PDE6H: variants seen among roughly 807,000 people sequenced by gnomAD.
PDE6H encodes phosphodiesterase 6H.
In PDE6H, 11 loss-of-function variants were observed where a neutral mutation model predicts 9.2. The ratio of observed to expected loss-of-function variants is 1.19; its 90% CI spans 0.75 to 1.97. The LOEUF is 1.97. Ranked by LOEUF, PDE6H falls within the 30% of genes most tolerant of loss-of-function variation. The pLI is 0.00. For synonymous variants in PDE6H, 36 were observed against 33.6 expected, an observed-to-expected ratio of 1.07 and a Z score of -0.25; for missense variants, 98 against 101.5, an observed-to-expected ratio of 0.97 and a Z score of 0.15.
intron 1 of PDE6H, among the ~76,000 whole-genome samples, chr12:14,975,079 T>C (rs1209237656): frequency 6.6e-6 from 1 of 152,210 alleles, no homozygotes; most frequent in Non-Finnish European, 1.5e-5. Flanking sequence ...GAGTAGGAAC[T>C]TAAAACTATA....
At position 14,981,410 on chromosome 12, in the gene PDE6H, G is replaced by T; in HGVS notation, c.186G>T (p.Val62=). 1 of 1,610,674 alleles carries T rather than the reference G, an allele frequency of 6.2e-7. No homozygotes were observed. Among genetic ancestry groups the T allele is most frequent in the Non-Finnish European group, 8.5e-7 (1 of 1,176,816 alleles). ...GMEGLGTDIT[V]ICPWEAFSHL... is the part of the protein sequence containing the mutation. Reference sequence around the variant, plus strand: ...TTCCATCTCTTGCAGATATCACAGTGATTTGTCCATGGGAGGCATTCAGCC... The same window carrying T: ...TTCCATCTCTTGCAGATATCACAGTTATTTGTCCATGGGAGGCATTCAGCC... Residue 62 remains valine (V), a synonymous_variant, in exon 4 of 4, where the codon GTG becomes GTT. Transcript: ENST00000266395.
chr12:14,976,063 G>A (rs956807341), intron 1 of PDE6H, among the ~76,000 whole-genome samples: 14 of 152,000 alleles, frequency 9.2e-5, no homozygotes, highest in African/African-American at 2.7e-4. Flanking sequence ...CTCGTGATCC[G>A]CCCGCCTCGG....
chr12:14,978,002 G>T lies in PDE6H; in HGVS notation c.-11G>T. ...TGAAAGGGAAACATCAGCCGCCCGG[G>T]GGGAGTTAAAATGAGTGACAACACT... On this transcript the variant is annotated 5_prime_UTR_variant, in exon 2 of 4. Transcript: ENST00000266395. 1 of 1,613,048 alleles carries T rather than the reference G, an allele frequency of 6.2e-7. No homozygotes were observed. Among genetic ancestry groups the T allele is most frequent in the Non-Finnish European group, 8.5e-7 (1 of 1,179,808 alleles).
chr12:14,976,041 T>C (rs557904581), intron 1 of PDE6H, among the ~76,000 whole-genome samples: 126 of 152,182 alleles, frequency 8.3e-4, no homozygotes, highest in Non-Finnish European at 1.5e-3. Context: ...AGGATGGTCT[T>C]GATCTCCTGA....
chr12:14,978,059 C>T lies in PDE6H; in HGVS notation c.47C>T (p.Pro16Leu). ...TLPAPASNQG[P>L]TTPRKGPPKF... ...CCTGCTCCAGCTTCAAACCAGGGTCCTACCACCCCACGCAAAGGCCCTCCC... is the reference window on the plus strand; with the variant it reads ...CCTGCTCCAGCTTCAAACCAGGGTCTTACCACCCCACGCAAAGGCCCTCCC... The change falls in exon 2 of 4, where the codon CCT becomes CTT. Residue 16 changes from proline to leucine, a missense_variant. Coordinates refer to ENST00000266395, the MANE Select transcript of PDE6H (RefSeq NM_006205.3). 6.2e-7 allele frequency: 1 copy of T among 1,613,634 alleles called. No individual in the cohort carries two copies. The highest frequency in any genetic ancestry group is 8.5e-7 in the Non-Finnish European group (1 of 1,179,906).
Position 14,977,956 on chromosome 12 carries a change from T to C in PDE6H, c.-41-16T>C. The C allele has an allele frequency of 3.2e-6, 5 of 1,561,342 alleles. No individual in the cohort carries two copies. The highest frequency in any genetic ancestry group is 4.4e-6 in the Non-Finnish European group (5 of 1,137,892). ...GACTTGAAAGATCTTCTTTTTTTTA[T>C]CTTTCACTGTCTAAGGAGGCTGAAA... On this transcript the variant is annotated splice_polypyrimidine_tract_variant and intron_variant, in intron 1 of 3. Coordinates refer to ENST00000266395, the MANE Select transcript of PDE6H (RefSeq NM_006205.3).
intron 1 of PDE6H, among the ~76,000 whole-genome samples, chr12:14,976,231 T>A (rs1011948336): frequency 6.6e-6 from 1 of 152,180 alleles, no homozygotes; most frequent in Non-Finnish European, 1.5e-5. Context: ...GACAGCCTCA[T>A]GAAGCTAGTC....
intron 1 of PDE6H, among the ~76,000 whole-genome samples, chr12:14,976,099 C>T (rs979999629): frequency 8.5e-5 from 13 of 152,114 alleles, no homozygotes; most frequent in South Asian, 2.1e-4. Flanking sequence ...GGATTACAGG[C>T]GTGAGCCACC....
chr12:14,973,776 G>T (rs1197046629), intron 1 of PDE6H, among the ~76,000 whole-genome samples: 1 of 152,110 alleles, frequency 6.6e-6, no homozygotes, highest in Non-Finnish European at 1.5e-5. Flanking sequence ...ACCAACAATG[G>T]ACTGGTCTAC....
intron 3 of PDE6H, 58 bp downstream of exon 3, chr12:14,979,277 TAC>T: frequency 8.7e-7 from 1 of 1,150,970 alleles, no homozygotes; most frequent in South Asian, 1.2e-5. Context: ...CCTTTTTATA[TAC>T]TTCAGGCCTC....
At chr12:14,980,575 T>G (rs549922665) in intron 3 of PDE6H, among the ~76,000 whole-genome samples, 1 of 152,342 alleles carries the variant, frequency 6.6e-6, no homozygotes, top group South Asian at 2.1e-4. Flanking sequence ...CCTGGGATCT[T>G]GAATGAATTT....
chr12:14,975,042 A>G (rs751280880), intron 1 of PDE6H, among the ~76,000 whole-genome samples: 1 of 152,238 alleles, frequency 6.6e-6, no homozygotes, highest in Non-Finnish European at 1.5e-5. Flanking sequence ...TATGAAATTT[A>G]TCCTAAGTCA....
At chr12:14,977,793 A>G (rs1050964858) in intron 1 of PDE6H, among the ~76,000 whole-genome samples, 179 bp from the exon 2 acceptor site, 7 of 152,188 alleles carry the variant, frequency 4.6e-5, no homozygotes, top group African/African-American at 1.7e-4. Context: ...GCATTGATTT[A>G]TACTCTGTTT....
At position 14,975,750 on chromosome 12, in the gene PDE6H, T is replaced by C. The variant is rs531988544; in HGVS notation, c.-41-2222T>C. Among the ~76,000 whole-genome samples, 3 of 151,988 alleles carry C rather than the reference T, an allele frequency of 2.0e-5. No individual in the cohort carries two copies. In the East Asian group the frequency reaches 5.8e-4, roughly 29 times the overall value. ...AGCTAATGACTTCTCTGTGCTCTGA[T>C]GGAGAAGTCAAAGGGTCAGGATCTC... On this transcript the variant is annotated intron_variant, in intron 1 of 3. Transcript: ENST00000266395.
chr12:14,976,932 A>C (rs975171020), intron 1 of PDE6H, among the ~76,000 whole-genome samples: 1 of 152,220 alleles, frequency 6.6e-6, no homozygotes, highest in Non-Finnish European at 1.5e-5. Context: ...ATGACACATT[A>C]ATTGCTTAAA....
chr12:14,973,126 A>T (rs2120812915), intron 1 of PDE6H, 40 bp downstream of exon 1: 1 of 152,336 alleles, frequency 6.6e-6, no homozygotes, highest in Non-Finnish European at 1.5e-5. Context: ...GAGCAGGATA[A>T]TTGAAGGGCT....
intron 1 of PDE6H, among the ~76,000 whole-genome samples, chr12:14,976,511 C>G (rs1864598030): frequency 6.6e-6 from 1 of 152,044 alleles, no homozygotes; most frequent in Non-Finnish European, 1.5e-5. Context: ...CAAAGACTGT[C>G]AGGGAGGTTT....
intron 2 of PDE6H, among the ~76,000 whole-genome samples, chr12:14,978,566 T>G (rs1267627491): frequency 6.6e-6 from 1 of 152,246 alleles, no homozygotes; most frequent in Non-Finnish European, 1.5e-5. Flanking sequence ...AAAATCCTAT[T>G]GATTTTTCAA....
intron 1 of PDE6H, among the ~76,000 whole-genome samples, chr12:14,976,973 G>A (rs1355894043): frequency 2.0e-5 from 3 of 152,144 alleles, no homozygotes; most frequent in Non-Finnish European, 4.4e-5. Context: ...TCTTTGATTT[G>A]TATTTGAAGA....
Sources: allele counts gnomAD v4.1 joint callset (sites outside exome capture counted in the v4.1 genomes callset), GRCh38; gene constraint gnomAD v4.1.1; transcripts MANE v1.5; gene names NCBI Gene and HGNC (gene_info 2026-07-23, HGNC 2026-07-21).